LINGO2: variants seen among roughly 807,000 people sequenced by gnomAD.
LINGO2 encodes leucine-rich repeat and immunoglobulin-like domain-containing nogo receptor-interacting protein 2.
A neutral mutation model predicts 30.6 loss-of-function variants in LINGO2; 14 were observed. The observed-to-expected ratio is 0.46, with a 90% CI of 0.30 to 0.72. The LOEUF (loss-of-function observed/expected upper bound fraction) is 0.72. Ranked by LOEUF, LINGO2 falls within the 30% of genes least tolerant of loss-of-function variation. LINGO2 has a pLI of 0.07. For missense variants in LINGO2, 729 were observed against 751.7 expected (o/e 0.97, Z 0.35); for synonymous variants, 317 against 288.5 (o/e 1.10, Z -1.00).
intron 4 of LINGO2, among the ~76,000 whole-genome samples, chr9:28,293,598 G>C (rs1054796184): frequency 6.6e-6 from 1 of 151,950 alleles, no homozygotes; most frequent in African/African-American, 2.4e-5. Flanking sequence ...ACTAGATCCA[G>C]TTGATTGATG....
the LINGO2 span, among the ~76,000 whole-genome samples, chr9:28,742,341 A>T: frequency 1.3e-5 from 2 of 151,016 alleles, no homozygotes; most frequent in Non-Finnish European, 2.9e-5. Flanking sequence ...GATATTGCCG[A>T]AGTATTTTTG....
chr9:28,337,641 A>G (rs1183415811), intron 3 of LINGO2, among the ~76,000 whole-genome samples: 2 of 152,150 alleles, frequency 1.3e-5, no homozygotes, highest in African/African-American at 4.8e-5. Context: ...GCCTTGGGAC[A>G]TGGTTCCCTG....
At chr9:28,750,683 C>T in the LINGO2 span, among the ~76,000 whole-genome samples, 1 of 151,994 alleles carries the variant, frequency 6.6e-6, no homozygotes, top group Admixed American at 6.6e-5. Context: ...GGGAACTCAG[C>T]CCCTTTGAGC....
intron 1 of LINGO2, among the ~76,000 whole-genome samples, chr9:28,647,410 T>C (rs1163405208): frequency 6.6e-6 from 1 of 152,164 alleles, no homozygotes; most frequent in Non-Finnish European, 1.5e-5. Flanking sequence ...CTGCCAGTTC[T>C]AATATTCGGT....
chr9:28,044,451 C>CA (rs1334684025), intron 4 of LINGO2, among the ~76,000 whole-genome samples: 1 of 152,154 alleles, frequency 6.6e-6, no homozygotes, highest in African/African-American at 2.4e-5. Context: ...CTGTAAGTCT[C>CA]AAAACAGACT....
chr9:28,714,196 TACACACACACACATACGCAC>T, the LINGO2 span, among the ~76,000 whole-genome samples: 38 of 135,750 alleles, frequency 2.8e-4, no homozygotes, highest in East Asian at 6.7e-4. Context: ...TATACACACA[TACACACACACACATACGCAC>T]ATATACATAT....
chr9:28,905,049 G>A, the LINGO2 span, among the ~76,000 whole-genome samples: 1 of 151,826 alleles, frequency 6.6e-6, no homozygotes, highest in Non-Finnish European at 1.5e-5. Flanking sequence ...TCACTAAATG[G>A]TTTAGGGAAA....
At chr9:28,815,617 A>G in the LINGO2 span, among the ~76,000 whole-genome samples, 1 of 152,170 alleles carries the variant, frequency 6.6e-6, no homozygotes, top group Admixed American at 6.5e-5. Context: ...ATCTTTTACT[A>G]TTTCTTCTTA....
chr9:28,274,541 T>A (rs953573223), intron 4 of LINGO2, among the ~76,000 whole-genome samples: 2 of 152,210 alleles, frequency 1.3e-5, no homozygotes, highest in Admixed American at 6.5e-5. Context: ...TTCATTTACC[T>A]TTTAAAATTA....
the LINGO2 span, among the ~76,000 whole-genome samples, chr9:28,712,809 CAT>C: frequency 2.6e-5 from 4 of 152,042 alleles, no homozygotes; most frequent in South Asian, 2.1e-4. Flanking sequence ...GATTAAGAAA[CAT>C]AGAATTTAAA....
Position 28,513,636 on chromosome 9 carries a change from A to T in LINGO2, c.-364-37611T>A, listed in dbSNP as rs1820502587. Among the ~76,000 whole-genome samples the T allele has an allele frequency of 2.0e-5, 3 of 152,250 alleles. No homozygotes were observed. The South Asian group carries it at 6.2e-4, about 31-fold the overall frequency. The stretch of plus-strand genomic sequence containing the variant: ...CACTGTTAAATAAAAATACTGGATG[A>T]GTCTACTTTTGCCAACATTGTTTTG... On this transcript the variant is annotated intron_variant, in intron 1 of 5. Coordinates refer to ENST00000379992, the Ensembl canonical transcript of LINGO2.
At chr9:28,423,922 C>T (rs775912405) in intron 2 of LINGO2, among the ~76,000 whole-genome samples, 4 of 152,028 alleles carry the variant, frequency 2.6e-5, no homozygotes, top group Admixed American at 6.6e-5. Context: ...ACAGCTACAT[C>T]GACTGCCCTA....
the LINGO2 span, among the ~76,000 whole-genome samples, chr9:29,047,330 A>G: frequency 6.6e-6 from 1 of 152,204 alleles, no homozygotes; most frequent in African/African-American, 2.4e-5. Flanking sequence ...CATTAGAAAA[A>G]TGCAGATCAA....
At chr9:28,009,757 C>G (rs10738789) in intron 5 of LINGO2, among the ~76,000 whole-genome samples, 147,854 of 152,308 alleles carry the variant, frequency 0.97, 71,914 homozygotes, top group East Asian at 1. Flanking sequence ...CTCATATATT[C>G]CTGGTGGAAA....
chr9:28,222,521 G>A (rs1232771620), intron 4 of LINGO2, among the ~76,000 whole-genome samples: 3 of 144,124 alleles, frequency 2.1e-5, no homozygotes, highest in African/African-American at 7.9e-5. Context: ...TTAGGTAAAG[G>A]CAAAATTTAA....
chr9:28,289,838 G>A (rs1257739581), intron 4 of LINGO2, among the ~76,000 whole-genome samples: 1 of 152,126 alleles, frequency 6.6e-6, no homozygotes, highest in African/African-American at 2.4e-5. Flanking sequence ...GGGCACTCAG[G>A]CTAGAAACCA....
At chr9:28,375,255 AT>A (rs1564159411) in intron 2 of LINGO2, among the ~76,000 whole-genome samples, 1 of 152,138 alleles carries the variant, frequency 6.6e-6, no homozygotes, top group Non-Finnish European at 1.5e-5. Context: ...GTCCAACCTA[AT>A]AGCAACAGGG....
chr9:28,712,555 C>A, the LINGO2 span, among the ~76,000 whole-genome samples: 10 of 151,106 alleles, frequency 6.6e-5, no homozygotes, highest in South Asian at 2.1e-3. Context: ...ATTTGAGGTT[C>A]CTTTACCCCA....
chr9:28,259,060 T>C (rs867437753), intron 4 of LINGO2, among the ~76,000 whole-genome samples: 1 of 152,122 alleles, frequency 6.6e-6, no homozygotes, highest in South Asian at 2.1e-4. Context: ...CCAGAATTAG[T>C]CTGTTTGCAT....
Sources: allele counts gnomAD v4.1 joint callset (sites outside exome capture counted in the v4.1 genomes callset), GRCh38; gene constraint gnomAD v4.1.1; transcripts MANE v1.5; gene names NCBI Gene and HGNC (gene_info 2026-07-23, HGNC 2026-07-21).